The following POMT2 variants were observed in gnomAD, a reference collection of about 807,000 sequenced individuals.
POMT2 encodes the protein protein O-mannosyltransferase 2.
POMT2 carries 75 observed loss-of-function variants against 100.0 expected under a neutral mutation model. That is an observed-to-expected ratio of 0.75 (90% confidence interval 0.62 to 0.91). The LOEUF (loss-of-function observed/expected upper bound fraction) is 0.91. POMT2 is among the 40% of genes least tolerant of loss of function. The pLI is 0.00. For missense variants in POMT2, 940 were observed against 955.1 expected, an observed-to-expected ratio of 0.98 and a Z score of 0.21; for synonymous variants, 378 against 374.1, an observed-to-expected ratio of 1.01 and a Z score of -0.12.
At chr14:77,295,043 T>C (rs1279562690) in intron 9 of POMT2, among the ~76,000 whole-genome samples, 1 of 152,176 alleles carries the variant, frequency 6.6e-6, no homozygotes, top group Non-Finnish European at 1.5e-5. Flanking sequence ...GATCTAATCA[T>C]AATCATAATA....
In POMT2 at chr14:77,277,353, A is replaced by T. The variant is rs768826554; in HGVS notation, c.*23T>A. On this transcript the variant is annotated 3_prime_UTR_variant, in exon 21 of 21. Coordinates refer to ENST00000261534, the MANE Select transcript of POMT2 (RefSeq NM_013382.7). ...GCTCTCCTGGGAAGTTCCTGGACCCAGGCTGGAATCTTTGCAGTGGCCTCA... is the reference window on the plus strand; with the variant it reads ...GCTCTCCTGGGAAGTTCCTGGACCCTGGCTGGAATCTTTGCAGTGGCCTCA... 16 of 1,581,584 alleles carry T rather than the reference A, an allele frequency of 1.0e-5. No homozygotes were observed. The highest frequency in any genetic ancestry group is 1.3e-5 in the African/African-American group (1 of 74,110).
intron 18 of POMT2, chr14:77,279,176 C>T (rs1890106324): frequency 4.3e-6 from 2 of 469,560 alleles, no homozygotes. Flanking sequence ...CCACCTCCCA[C>T]ATCTTTGCTG....
chr14:77,280,215 C>T, intron 16 of POMT2, 135 bp from the exon 17 acceptor site: 1 of 1,569,248 alleles, frequency 6.4e-7, no homozygotes, highest in Non-Finnish European at 8.6e-7. Flanking sequence ...TCTACACGAG[C>T]TCTCTGGGAA....
chr14:77,283,752 C>T (rs759196298), intron 15 of POMT2, 45 bp downstream of exon 15: 1 of 1,505,360 alleles, frequency 6.6e-7, no homozygotes, highest in South Asian at 1.1e-5. Context: ...TCATGGCTGC[C>T]CAAAAGCTCT....
chr14:77,306,509 T>C, intron 2 of POMT2, 68 bp from the exon 3 acceptor site: 1 of 1,563,720 alleles, frequency 6.4e-7, no homozygotes, highest in Non-Finnish European at 8.8e-7. Context: ...CCTCTGAACT[T>C]CCCTCCAGCT....
At chr14:77,280,201 A>G in intron 16 of POMT2, 121 bp from the exon 17 acceptor site, 1 of 1,582,150 alleles carries the variant, frequency 6.3e-7, no homozygotes, top group African/African-American at 1.4e-5. Flanking sequence ...TCAGGCTGGC[A>G]AATTCTACAC....
intron 6 of POMT2, 149 bp downstream of exon 6, chr14:77,300,933 ATGTCCTGC>A: frequency 7.3e-7 from 1 of 1,373,430 alleles, no homozygotes; most frequent in Non-Finnish European, 1.0e-6. Flanking sequence ...CCACTCCCTG[ATGTCCTGC>A]TGTCTGCGGA....
In POMT2 at chr14:77,301,269, A is replaced by C. The variant is rs1032925016; in HGVS notation, c.657-20T>G. 2.5e-6 allele frequency: 4 copies of C among 1,614,002 alleles called. No homozygotes were observed. Among genetic ancestry groups the C allele is most frequent in the Non-Finnish European group, 3.4e-6 (4 of 1,179,956 alleles). On this transcript the variant is annotated intron_variant, in intron 5 of 20. Transcript: ENST00000261534. ...AAGGGCCTGAAAATCAACAAGACGG[A>C]GTTCAATTTGGCAGCTGGAACCAAA...
At chr14:77,301,060 C>T (rs1399584593) in intron 6 of POMT2, 30 bp downstream of exon 6, 1 of 1,613,598 alleles carries the variant, frequency 6.2e-7, no homozygotes, top group Admixed American at 1.7e-5. Context: ...GGAGCAAAAA[C>T]ATTTCCACAG....
Position 77,278,884 on chromosome 14 carries a change from C to T in POMT2, c.1892-15G>A. The T allele has an allele frequency of 1.9e-6, 3 of 1,612,008 alleles. No individual in the cohort carries two copies. Among genetic ancestry groups the T allele is most frequent in the Non-Finnish European group, 2.5e-6 (3 of 1,179,076 alleles). On this transcript the variant is annotated splice_polypyrimidine_tract_variant and intron_variant, in intron 18 of 20. Coordinates refer to ENST00000261534, the MANE Select transcript of POMT2 (RefSeq NM_013382.7). ...CTGGGACAACCCTGGGCCCAAGCAGCACAGCCCAGTCAGAAGACAAGGAGC... is the reference window on the plus strand; with the variant it reads ...CTGGGACAACCCTGGGCCCAAGCAGTACAGCCCAGTCAGAAGACAAGGAGC...
intron 10 of POMT2, among the ~76,000 whole-genome samples, chr14:77,289,977 C>T (rs1442774623): frequency 6.6e-6 from 1 of 152,150 alleles, no homozygotes; most frequent in Non-Finnish European, 1.5e-5. Flanking sequence ...AGAACTCAAC[C>T]GCAGAGACAC....
chr14:77,279,825 G>A lies in POMT2; in HGVS notation c.1889C>T (p.Ala630Val), dbSNP rs752214239. Residue 630 changes from alanine to valine, a missense_variant and splice_region_variant, in exon 18 of 21, where the codon GCA becomes GTA. Physicochemically the swap from Ala to Val is moderately conservative, Grantham distance 64. Coordinates refer to ENST00000261534, the MANE Select transcript of POMT2 (RefSeq NM_013382.7). ...AGGGAGAGCCCAGAGGACCTGACCT[G>A]CAACCTCCGCTGGCAGCCGTGCCCC... ...QRGARLPAEV[A>V]GLSQVLLRGG... 3.5e-5 allele frequency: 57 copies of A among 1,612,804 alleles called. No individual in the cohort carries two copies. The highest frequency in any genetic ancestry group is 2.5e-5 in the Non-Finnish European group (30 of 1,179,762).
chr14:77,308,289 T>C (rs1047461700), intron 2 of POMT2, among the ~76,000 whole-genome samples: 2 of 151,294 alleles, frequency 1.3e-5, no homozygotes, highest in African/African-American at 4.8e-5. Flanking sequence ...TCAACCTAAC[T>C]CATACAGTCA....
intron 12 of POMT2, 94 bp downstream of exon 12, chr14:77,286,650 T>C: frequency 6.4e-7 from 1 of 1,564,154 alleles, no homozygotes; most frequent in East Asian, 2.3e-5. Context: ...CTCAGGAACA[T>C]TCCAGAATTC....
chr14:77,313,875 T>C (rs1891530883), intron 1 of POMT2, among the ~76,000 whole-genome samples: 1 of 152,088 alleles, frequency 6.6e-6, no homozygotes, highest in Admixed American at 6.6e-5. Context: ...ACCTGGCTAA[T>C]TTTTGTATTT....
At chr14:77,316,567 A>G (rs1017666648) in intron 1 of POMT2, among the ~76,000 whole-genome samples, 5 of 68,956 alleles carry the variant, frequency 7.3e-5, no homozygotes, top group South Asian at 6.1e-4. Flanking sequence ...TCTCATCTCT[A>G]AAAAAAAAAA....
At chr14:77,282,227 A>G (rs943195661) in intron 15 of POMT2, among the ~76,000 whole-genome samples, 1 of 152,202 alleles carries the variant, frequency 6.6e-6, no homozygotes, top group Non-Finnish European at 1.5e-5. Flanking sequence ...ACTCTGAGAA[A>G]TCCTGCTCTG....
chr14:77,287,860 A>T (rs1312105823), intron 11 of POMT2: 3 of 152,150 alleles, frequency 2.0e-5, no homozygotes, highest in Non-Finnish European at 4.4e-5. Context: ...AGATTCTGAG[A>T]TCACCCAGGC....
Position 77,277,201 on chromosome 14 carries a change from G to C in POMT2, c.*175C>G. On this transcript the variant is annotated 3_prime_UTR_variant, in exon 21 of 21. Coordinates refer to ENST00000261534, the MANE Select transcript of POMT2 (RefSeq NM_013382.7). Reference sequence around the variant, plus strand: ...TGGACGGAGCTGCGGCTCTCTCCCGGCTCTCTCCAATGCTGGGTTCCATTC... The same window carrying C: ...TGGACGGAGCTGCGGCTCTCTCCCGCCTCTCTCCAATGCTGGGTTCCATTC... 1 of 645,368 alleles carries C rather than the reference G, an allele frequency of 1.5e-6. No homozygotes were observed. The highest frequency in any genetic ancestry group is 2.8e-6 in the Non-Finnish European group (1 of 357,696). 40.0% of individuals were successfully genotyped at this position (645,368 alleles called of 1,614,324 possible). A position where few individuals can be genotyped will look rare whatever the true frequency, so the allele number is the denominator to read the frequency against.
Sources: gnomAD v4.1 joint callset for allele counts (sites outside exome capture counted in the v4.1 genomes callset) on GRCh38, gnomAD v4.1.1 for gene constraint, MANE v1.5 for transcripts, NCBI Gene and HGNC (gene_info 2026-07-23, HGNC 2026-07-21) for gene names.